MAP4K4: variants seen among roughly 807,000 people sequenced by gnomAD.
MAP4K4 encodes the protein HPK/GCK-like kinase HGK.
A neutral mutation model predicts 189.6 loss-of-function variants in MAP4K4; 38 were observed. The ratio of observed to expected loss-of-function variants is 0.20; its 90% CI spans 0.15 to 0.26. MAP4K4 has a LOEUF of 0.26. Ranked by LOEUF, MAP4K4 falls within the 10% of genes least tolerant of loss-of-function variation. The pLI is 1.00. For missense variants in MAP4K4, 1,054 were observed against 1,726.9 expected (o/e 0.61, Z 6.91); for synonymous variants, 610 against 624.3 (o/e 0.98, Z 0.34).
chr2:101,833,449 T>C (rs2149447911), intron 7 of MAP4K4, among the ~76,000 whole-genome samples: 1 of 151,496 alleles, frequency 6.6e-6, no homozygotes, highest in East Asian at 1.9e-4. Context: ...TGAAACCCCA[T>C]CTTTACTAAA....
intron 2 of MAP4K4, among the ~76,000 whole-genome samples, chr2:101,787,624 T>G (rs1241518641): frequency 1.3e-5 from 2 of 152,120 alleles, no homozygotes; most frequent in Admixed American, 6.5e-5. Context: ...TTTAAAAAAC[T>G]CTTGGTGTAG....
chr2:101,877,178 G>T, intron 27 of MAP4K4, 32 bp downstream of exon 27: 1 of 1,610,342 alleles, frequency 6.2e-7, no homozygotes, highest in Non-Finnish European at 8.5e-7. Flanking sequence ...CAGAATATGT[G>T]ACACCATCTT....
At chr2:101,842,856 C>G (rs920193843) in intron 11 of MAP4K4, among the ~76,000 whole-genome samples, 175 bp downstream of exon 11, 28 of 152,182 alleles carry the variant, frequency 1.8e-4, no homozygotes, top group Non-Finnish European at 7.3e-5. Flanking sequence ...TTTTTCTTCC[C>G]TGGATCCTCT....
At chr2:101,748,352 A>G (rs1426862854) in intron 2 of MAP4K4, among the ~76,000 whole-genome samples, 9 of 152,206 alleles carry the variant, frequency 5.9e-5, no homozygotes, top group Non-Finnish European at 1.5e-5. Flanking sequence ...TGCCTTTTAA[A>G]AGCAAGAAAA....
At chr2:101,813,608 A>G (rs115167444) in intron 3 of MAP4K4, among the ~76,000 whole-genome samples, 23 of 152,338 alleles carry the variant, frequency 1.5e-4, no homozygotes, top group African/African-American at 5.3e-4. Context: ...GTATGAACAC[A>G]GGTAATGACG....
At chr2:101,751,935 G>A (rs1239815670) in intron 2 of MAP4K4, among the ~76,000 whole-genome samples, 1 of 152,170 alleles carries the variant, frequency 6.6e-6, no homozygotes. Flanking sequence ...TTCATGGGGA[G>A]GTGTCAGCTG....
intron 10 of MAP4K4, 124 bp downstream of exon 10, chr2:101,840,118 C>T: frequency 2.2e-6 from 2 of 923,258 alleles, no homozygotes; most frequent in South Asian, 2.0e-5. Context: ...CATGGTTTCT[C>T]TGCTTGCGGT....
chr2:101,847,001 T>C (rs955054504), intron 12 of MAP4K4, among the ~76,000 whole-genome samples: 3 of 152,196 alleles, frequency 2.0e-5, no homozygotes, highest in Non-Finnish European at 1.5e-5. Flanking sequence ...TATTTGCATA[T>C]AACCTGTGCA....
At chr2:101,810,939 G>A (rs1246671982) in intron 3 of MAP4K4, among the ~76,000 whole-genome samples, 4 of 152,220 alleles carry the variant, frequency 2.6e-5, no homozygotes, top group Non-Finnish European at 5.9e-5. Flanking sequence ...TGGACAAGAC[G>A]GTGCCTTATG....
intron 32 of MAP4K4, among the ~76,000 whole-genome samples, chr2:101,890,819 G>GGT (rs2098555127): frequency 6.6e-6 from 1 of 151,596 alleles, no homozygotes; most frequent in South Asian, 2.1e-4. Context: ...GGAATGCAGT[G>GGT]GTGTGACCTT....
At chr2:101,873,897 T>G in intron 25 of MAP4K4, 133 bp downstream of exon 25, 9 of 788,406 alleles carry the variant, frequency 1.1e-5, no homozygotes, top group Non-Finnish European at 1.8e-5. Flanking sequence ...ATCCCAGTTG[T>G]ATGCCTTATT....
intron 2 of MAP4K4, among the ~76,000 whole-genome samples, chr2:101,723,790 A>C (rs551388901): frequency 1.2e-4 from 18 of 152,326 alleles, no homozygotes; most frequent in African/African-American, 4.3e-4. Flanking sequence ...TCTTGACCCT[A>C]GAATTGGAGG....
rs1227676150 is a variant in MAP4K4 at position 101,722,430 on chromosome 2, C to G, written c.123+23892C>G. 3.3e-5 allele frequency among the ~76,000 whole-genome samples: 5 copies of G among 152,122 alleles called. No individual in the cohort carries two copies. The East Asian group carries it at 9.6e-4, about 29-fold the overall frequency. ...TCTTTTACCTTCATTTATGATAGCC[C>G]AATTTTGGGAAGCAGATTCAGTTCA... On this transcript the variant is annotated intron_variant, in intron 2 of 32. Coordinates refer to ENST00000324219, the Ensembl canonical transcript of MAP4K4.
At chr2:101,855,981 A>C in exon 13 of MAP4K4, 1 of 1,543,346 alleles carries the variant, frequency 6.5e-7, no homozygotes, top group Non-Finnish European at 8.7e-7. Context: ...ACGTAGCAAC[A>C]AAGGAGAGAG....
chr2:101,709,340 T>C (rs2044131717), intron 2 of MAP4K4, among the ~76,000 whole-genome samples: 1 of 152,180 alleles, frequency 6.6e-6, no homozygotes, highest in Non-Finnish European at 1.5e-5. Context: ...GTAGCTGAGA[T>C]TACAAGTGTG....
intron 2 of MAP4K4, among the ~76,000 whole-genome samples, chr2:101,710,313 T>G (rs2044701877): frequency 1.3e-5 from 2 of 152,252 alleles, no homozygotes; most frequent in African/African-American, 4.8e-5. Flanking sequence ...GTTCTCTATA[T>G]GTACACATTT....
chr2:101,817,791 T>C (rs1451769041), intron 3 of MAP4K4, among the ~76,000 whole-genome samples: 1 of 152,212 alleles, frequency 6.6e-6, no homozygotes, highest in Non-Finnish European at 1.5e-5. Context: ...TGCGTTGCGT[T>C]TTTGTTTGAA....
intron 12 of MAP4K4, among the ~76,000 whole-genome samples, chr2:101,855,038 C>CG (rs1214882628): frequency 6.6e-6 from 1 of 152,190 alleles, no homozygotes; most frequent in Non-Finnish European, 1.5e-5. Flanking sequence ...CCCAGAGAGT[C>CG]CAGAGTCTAG....
intron 3 of MAP4K4, among the ~76,000 whole-genome samples, chr2:101,811,385 A>AAAAAAAAAAAAAG (rs1559031816): frequency 4.9e-4 from 69 of 141,034 alleles, no homozygotes; most frequent in African/African-American, 1.9e-3. Context: ...AAAAAAAAAA[A>AAAAAAAAAAAAAG]AAAAAAGAAT....
Sources: gnomAD v4.1 joint callset for allele counts (sites outside exome capture counted in the v4.1 genomes callset) on GRCh38, gnomAD v4.1.1 for gene constraint, MANE v1.5 for transcripts, NCBI Gene and HGNC (gene_info 2026-07-23, HGNC 2026-07-21) for gene names.